C6orf89: variants seen among roughly 807,000 people sequenced by gnomAD.
The protein encoded by C6orf89 is chromosome 6 open reading frame 89.
C6orf89 carries 29 observed loss-of-function variants against 40.7 expected under a neutral mutation model. The ratio of observed to expected loss-of-function variants is 0.71; its 90% CI spans 0.53 to 0.97. The LOEUF is 0.97. Among genes scored for constraint, C6orf89 ranks in the 50% least tolerant of loss-of-function variants. The pLI is 0.00. For missense variants in C6orf89, 392 were observed against 429.1 expected (o/e 0.91, Z 0.76); for synonymous variants, 165 against 152.2 (o/e 1.08, Z -0.62).
Position 36,923,698 on chromosome 6 carries a change from A to T in C6orf89, c.*257A>T. 2.1e-6 allele frequency: 1 copy of T among 470,140 alleles called. No homozygotes were observed. Among genetic ancestry groups the T allele is most frequent in the South Asian group, 2.0e-5 (1 of 50,942 alleles). The allele number at this position is 470,140 out of a possible 1,614,324, so 29.1% of individuals were successfully genotyped here. ...CTCTGCCAGCACCCATCTGAGACTG[A>T]CCTCTTCCGGGCCTTTGGACACTAT... On this transcript the variant is annotated 3_prime_UTR_variant, in exon 9 of 9. Coordinates refer to ENST00000480824, the MANE Select transcript of C6orf89 (RefSeq NM_001286635.2).
chr6:36,903,525 T>C (rs1242664676), intron 4 of C6orf89, among the ~76,000 whole-genome samples: 1 of 152,078 alleles, frequency 6.6e-6, no homozygotes, highest in Non-Finnish European at 1.5e-5. Flanking sequence ...AGTGGTGCGA[T>C]CTTGGCTCAC....
At chr6:36,922,817 C>G (rs899131673) in intron 8 of C6orf89, among the ~76,000 whole-genome samples, 1 of 152,162 alleles carries the variant, frequency 6.6e-6, no homozygotes, top group African/African-American at 2.4e-5. Context: ...GGAAAATTGG[C>G]TAGTAGGTCT....
chr6:36,877,142 G>A (rs1216330460), intron 1 of C6orf89, among the ~76,000 whole-genome samples: 1 of 152,038 alleles, frequency 6.6e-6, no homozygotes, highest in African/African-American at 2.4e-5. Flanking sequence ...ATTTTTCCTT[G>A]CTGTGTAGTA....
Position 36,919,587 on chromosome 6 carries a change from A to T in C6orf89, c.835A>T (p.Met279Leu). ...TCATTCTTTCCTCCAGATGCATAAG[A>T]TGCCTGACCTATTTATCATTGGCAG... The part of the protein sequence containing the change: ...EPVVGSKMHK[M>L]PDLFIIGSGE... Residue 279 changes from methionine to leucine, a missense_variant, in exon 8 of 9, where the codon ATG (methionine) becomes TTG (leucine). Physicochemically the swap from Met to Leu is conservative, Grantham distance 15. Coordinates refer to ENST00000480824, the MANE Select transcript of C6orf89 (RefSeq NM_001286635.2). The T allele has an allele frequency of 6.2e-7, 1 of 1,613,500 alleles. No homozygotes were observed. Among genetic ancestry groups the T allele is most frequent in the Non-Finnish European group, 8.5e-7 (1 of 1,179,620 alleles).
intron 4 of C6orf89, among the ~76,000 whole-genome samples, chr6:36,903,225 TTGTG>T (rs10597547): frequency 1.1e-4 from 17 of 150,180 alleles, no homozygotes; most frequent in African/African-American, 3.4e-4. Context: ...GCCTCCAATT[TTGTG>T]TGTGTGTGTG....
At chr6:36,901,495 C>T (rs992910346) in intron 3 of C6orf89, among the ~76,000 whole-genome samples, 8 of 142,516 alleles carry the variant, frequency 5.6e-5, no homozygotes, top group South Asian at 2.2e-4. Flanking sequence ...TCACCACATC[C>T]GGCTAATTTT....
At position 36,913,844 on chromosome 6, in the gene C6orf89, G is replaced by A. The variant is rs9380622; in HGVS notation, c.404-440G>A. On this transcript the variant is annotated intron_variant, in intron 4 of 8. Coordinates refer to ENST00000480824, the MANE Select transcript of C6orf89 (RefSeq NM_001286635.2). ...TACCTTACCTTTTCAGCGGTCTCCAGTGCTTATCATTGTTTGTTTTTAAAA... is the reference window on the plus strand; with the variant it reads ...TACCTTACCTTTTCAGCGGTCTCCAATGCTTATCATTGTTTGTTTTTAAAA... 0.02 allele frequency among the ~76,000 whole-genome samples: 3,051 copies of A among 152,282 alleles called. 202 individuals are homozygous for A. In the East Asian group the frequency reaches 0.26, roughly 13 times the overall value.
chr6:36,898,955 C>T (rs1761555137), intron 2 of C6orf89, among the ~76,000 whole-genome samples: 1 of 152,142 alleles, frequency 6.6e-6, no homozygotes, highest in South Asian at 2.1e-4. Flanking sequence ...CAGTAAATCA[C>T]CTTCAGTAAT....
chr6:36,891,111 A>G (rs1414593695), intron 1 of C6orf89, among the ~76,000 whole-genome samples: 2 of 152,124 alleles, frequency 1.3e-5, no homozygotes, highest in East Asian at 3.8e-4. Context: ...CGTCATTTAC[A>G]TTAGGTATAT....
chr6:36,923,059 A>G (rs893604138), intron 8 of C6orf89, among the ~76,000 whole-genome samples: 1 of 152,152 alleles, frequency 6.6e-6, no homozygotes, highest in Non-Finnish European at 1.5e-5. Context: ...AGCCAGGTGT[A>G]GTGGCCCACA....
At chr6:36,915,861 G>T (rs1480395417) in intron 6 of C6orf89, among the ~76,000 whole-genome samples, 3 of 152,182 alleles carry the variant, frequency 2.0e-5, no homozygotes, top group African/African-American at 7.2e-5. Flanking sequence ...TTCATTCCTT[G>T]TGGTTAAGGT....
At chr6:36,904,526 G>A (rs1331504937) in intron 4 of C6orf89, among the ~76,000 whole-genome samples, 2 of 152,140 alleles carry the variant, frequency 1.3e-5, no homozygotes, top group Non-Finnish European at 2.9e-5. Context: ...GAAACTAACA[G>A]CATTTTGCGT....
chr6:36,922,181 A>G (rs1222707500), intron 8 of C6orf89, among the ~76,000 whole-genome samples: 2 of 152,132 alleles, frequency 1.3e-5, no homozygotes. Flanking sequence ...TCTACTAAAA[A>G]TAGAAAAAAT....
intron 2 of C6orf89, among the ~76,000 whole-genome samples, chr6:36,896,901 G>T (rs1435287408): frequency 2.0e-5 from 3 of 152,070 alleles, no homozygotes; most frequent in African/African-American, 7.2e-5. Flanking sequence ...GCTGAGGCAG[G>T]CGAATTGCCT....
chr6:36,906,216 C>T (rs1036333818), intron 4 of C6orf89, among the ~76,000 whole-genome samples: 1 of 152,226 alleles, frequency 6.6e-6, no homozygotes, highest in Non-Finnish European at 1.5e-5. Flanking sequence ...AACTAAGAAT[C>T]TAGTAAGACT....
intron 8 of C6orf89, among the ~76,000 whole-genome samples, chr6:36,920,904 C>T (rs139236863): frequency 6.6e-6 from 1 of 151,910 alleles, no homozygotes; most frequent in African/African-American, 2.4e-5. Flanking sequence ...TACAGAAACA[C>T]CTTAGTTATC....
At position 36,902,334 on chromosome 6, in the gene C6orf89, C is replaced by G; in HGVS notation, c.303C>G (p.Ile101Met). 4 of 1,614,208 alleles carry G rather than the reference C, an allele frequency of 2.5e-6. No homozygotes were observed. The highest frequency in any genetic ancestry group is 3.4e-6 in the Non-Finnish European group (4 of 1,180,038). Reference sequence around the variant, plus strand: ...GAGCTCACACCTGGCGCTCACTCATCCATCACATTAGGCTGATGTCCTTGC... The same window carrying G: ...GAGCTCACACCTGGCGCTCACTCATGCATCACATTAGGCTGATGTCCTTGC... ...LSGAHTWRSLIHHIRLMSLPI... is the reference protein window; with the variant it reads ...LSGAHTWRSLMHHIRLMSLPI... The change falls in exon 4 of 9, where the codon ATC becomes ATG. Residue 101 changes from isoleucine to methionine, a missense_variant. Physicochemically the swap from Ile to Met is conservative, Grantham distance 10 (BLOSUM62 1). Coordinates refer to ENST00000480824, the MANE Select transcript of C6orf89 (RefSeq NM_001286635.2).
intron 4 of C6orf89, among the ~76,000 whole-genome samples, chr6:36,909,643 AT>A (rs1369977191): frequency 1.3e-5 from 2 of 152,214 alleles, no homozygotes; most frequent in Admixed American, 1.3e-4. Flanking sequence ...TTAGCCATAT[AT>A]GGTGGTGCAC....
At position 36,872,966 on chromosome 6, in the gene C6orf89, T is replaced by G. The variant is rs141437874; in HGVS notation, c.-628+999T>G. On this transcript the variant is annotated intron_variant, in intron 1 of 9. Transcript: ENST00000359359. ...TGGATACCCAGTGCCTTGCACAGTG[T>G]AAACACTCTATAAGTATATGAGGAG... Among the ~76,000 whole-genome samples the G allele has an allele frequency of 5.1e-3, 784 of 152,320 alleles. 7 individuals carry two copies. Among genetic ancestry groups the G allele is most frequent in the African/African-American group, 0.016 (673 of 41,566 alleles).
Sources: allele counts gnomAD v4.1 joint callset (sites outside exome capture counted in the v4.1 genomes callset), GRCh38; gene constraint gnomAD v4.1.1; transcripts MANE v1.5; gene names NCBI Gene and HGNC (gene_info 2026-07-23, HGNC 2026-07-21).